PIK3R3: variants seen among roughly 807,000 people sequenced by gnomAD.
PIK3R3 encodes the protein phosphoinositide-3-kinase regulatory subunit 3.
A neutral mutation model predicts 62.9 loss-of-function variants in PIK3R3; 64 were observed. The ratio of observed to expected loss-of-function variants is 1.02; its 90% confidence interval spans 0.83 to 1.25. PIK3R3 has a LOEUF of 1.25. Among genes scored for constraint, PIK3R3 ranks in the 50% most tolerant of loss-of-function variants. PIK3R3 has a pLI of 0.00. For missense variants in PIK3R3, 614 were observed against 561.6 expected, an observed-to-expected ratio of 1.09 and a Z score of -0.94; for synonymous variants, 165 against 189.0, an observed-to-expected ratio of 0.87 and a Z score of 1.04.
rs753054052 is a variant in PIK3R3, at chr1:46,062,050, C to A, written c.643G>T (p.Ala215Ser). The change falls in exon 6 of 10, where the codon GCA (alanine) becomes TCA (serine). Residue 215 changes from alanine (A) to serine (S), a missense_variant. Coordinates refer to ENST00000262741, the MANE Select transcript of PIK3R3 (RefSeq NM_003629.4). Reference protein sequence around the residue: ...TSQEIQMKRTAIEAFNETIKI... With the variant: ...TSQEIQMKRTSIEAFNETIKI... ...ATTGTTTCATTAAAAGCTTCTATTG[C>A]AGTCCTCTTCATCTGTATTTCCTAC... 3 of 1,610,822 alleles carry A rather than the reference C, an allele frequency of 1.9e-6. No homozygotes were observed. In the Admixed American group the frequency reaches 5.0e-5, roughly 27 times the overall value.
chr1:46,120,425 T>C (rs925399569), intron 1 of PIK3R3, among the ~76,000 whole-genome samples: 1 of 151,964 alleles, frequency 6.6e-6, no homozygotes, highest in Non-Finnish European at 1.5e-5. Context: ...AAGACAAAAT[T>C]AGCCAGGCGT....
intron 3 of PIK3R3, among the ~76,000 whole-genome samples, chr1:46,069,787 AG>A (rs1263961339): frequency 2.0e-5 from 3 of 152,176 alleles, no homozygotes; most frequent in Non-Finnish European, 2.9e-5. Context: ...GAGACATGGA[AG>A]GAAGAATCAG....
Position 46,080,687 on chromosome 1 carries a change from G to C in PIK3R3, c.170C>G (p.Ser57Cys), listed in dbSNP as rs1571435891. 31 of 1,613,690 alleles carry C rather than the reference G, an allele frequency of 1.9e-5. No homozygotes were observed. In the East Asian group the frequency reaches 6.9e-4, roughly 36 times the overall value. Residue 57 changes from serine (S) to cysteine (C), a missense_variant, in exon 2 of 10, where the codon TCT becomes TGT. Transcript: ENST00000262741. ...SAVPNGMKDS[S>C]VSLQDAEWYW... ...CCATTCTGCATCCTGAAGAGAAACA[G>C]AACTGTCCTTCATTCCATTTGGAAC...
At chr1:46,143,092 A>G in the PIK3R3 span, among the ~76,000 whole-genome samples, 1 of 152,238 alleles carries the variant, frequency 6.6e-6, no homozygotes, top group Non-Finnish European at 1.5e-5. Flanking sequence ...ACCCTAAAGA[A>G]TGGGCCACTC....
chr1:46,112,505 A>G (rs1163278973), intron 1 of PIK3R3, among the ~76,000 whole-genome samples: 2 of 152,352 alleles, frequency 1.3e-5, no homozygotes, highest in South Asian at 2.1e-4. Context: ...TTTCCAAAAC[A>G]GCTGCAGCAA....
At chr1:46,131,281 C>CA (rs1655557851) in intron 1 of PIK3R3, among the ~76,000 whole-genome samples, 1 of 152,124 alleles carries the variant, frequency 6.6e-6, no homozygotes, top group Admixed American at 6.5e-5. Context: ...TACGAACGCC[C>CA]AATCCCTAAA....
chr1:46,162,535 A>G, the PIK3R3 span, among the ~76,000 whole-genome samples: 4 of 152,188 alleles, frequency 2.6e-5, no homozygotes, highest in African/African-American at 9.7e-5. Context: ...TATAATATTA[A>G]TAATGTAAAA....
At chr1:46,056,020 A>T (rs1340102221) in intron 6 of PIK3R3, 49 bp from the exon 7 acceptor site, 1 of 1,289,652 alleles carries the variant, frequency 7.8e-7, no homozygotes, top group Non-Finnish European at 1.1e-6. Context: ...TCAAGCAGAC[A>T]GATCCTACTG....
Position 46,050,898 on chromosome 1 carries a change from G to A in PIK3R3, c.942-4273C>T, listed in dbSNP as rs373888272. 4.9e-4 allele frequency among the ~76,000 whole-genome samples: 75 copies of A among 152,284 alleles called. No individual in the cohort carries two copies. The South Asian group carries it at 1.0e-2, about 20-fold the overall frequency. On this transcript the variant is annotated intron_variant, in intron 7 of 9. Coordinates refer to ENST00000262741, the MANE Select transcript of PIK3R3 (RefSeq NM_003629.4). ...AAAAAGGAATGAAATACTGACATAC[G>A]CAGACAAACTTTGAAAACACCATGC...
chr1:46,053,214 C>T (rs1647531111), intron 7 of PIK3R3, among the ~76,000 whole-genome samples: 1 of 152,150 alleles, frequency 6.6e-6, no homozygotes, highest in South Asian at 2.1e-4. Flanking sequence ...AATTTGTCAT[C>T]CATGATGTTA....
At chr1:46,118,738 T>C (rs944937841) in intron 1 of PIK3R3, among the ~76,000 whole-genome samples, 1 of 151,934 alleles carries the variant, frequency 6.6e-6, no homozygotes, top group African/African-American at 2.4e-5. Flanking sequence ...ATATTATTAG[T>C]AGAGACAGGG....
intron 1 of PIK3R3, among the ~76,000 whole-genome samples, chr1:46,126,193 A>G (rs1424373110): frequency 6.6e-6 from 1 of 152,146 alleles, no homozygotes; most frequent in Admixed American, 6.5e-5. Context: ...CAGAGGTTAT[A>G]ACCTGTAATA....
chr1:46,083,567 A>G (rs1210778779), intron 1 of PIK3R3, among the ~76,000 whole-genome samples: 1 of 152,228 alleles, frequency 6.6e-6, no homozygotes, highest in Non-Finnish European at 1.5e-5. Context: ...TAAATACATA[A>G]AAGAATCCTT....
At chr1:46,077,119 C>T (rs1650135369) in intron 3 of PIK3R3, among the ~76,000 whole-genome samples, 1 of 152,144 alleles carries the variant, frequency 6.6e-6, no homozygotes, top group Non-Finnish European at 1.5e-5. Context: ...TCAGCATATC[C>T]TCATCAACCA....
At chr1:46,151,562 A>C in the PIK3R3 span, among the ~76,000 whole-genome samples, 1 of 152,128 alleles carries the variant, frequency 6.6e-6, no homozygotes, top group African/African-American at 2.4e-5. Context: ...GGGCAACATA[A>C]TGAAACCCCA....
intron 3 of PIK3R3, among the ~76,000 whole-genome samples, chr1:46,067,886 A>C (rs1468751891): frequency 6.6e-6 from 1 of 152,230 alleles, no homozygotes; most frequent in South Asian, 2.1e-4. Flanking sequence ...ATTTATAACT[A>C]AAGTTTAAAA....
intron 1 of PIK3R3, among the ~76,000 whole-genome samples, chr1:46,092,376 G>C (rs1457214359): frequency 1.3e-5 from 2 of 152,138 alleles, no homozygotes; most frequent in East Asian, 3.9e-4. Flanking sequence ...GTTTTGTTTT[G>C]TTTTTGAGAC....
At chr1:46,097,041 G>A (rs916784417) in intron 1 of PIK3R3, among the ~76,000 whole-genome samples, 7 of 149,166 alleles carry the variant, frequency 4.7e-5, no homozygotes, top group African/African-American at 7.3e-5. Flanking sequence ...TTATGAACAC[G>A]GACAAAAAAA....
At chr1:46,127,424 A>T (rs954419394) in intron 1 of PIK3R3, among the ~76,000 whole-genome samples, 2 of 151,310 alleles carry the variant, frequency 1.3e-5, no homozygotes, top group Admixed American at 6.6e-5. Context: ...AACAATTTTT[A>T]AAAAAGAATT....
Sources: gnomAD v4.1 joint callset for allele counts (sites outside exome capture counted in the v4.1 genomes callset) on GRCh38, gnomAD v4.1.1 for gene constraint, MANE v1.5 for transcripts, NCBI Gene and HGNC (gene_info 2026-07-23, HGNC 2026-07-21) for gene names.